The following MYH15 variants were observed in gnomAD, a reference collection of about 807,000 sequenced individuals.
MYH15 encodes myosin heavy chain 15, also known as myosin-15.
MYH15 carries 227 observed loss-of-function variants against 240.5 expected under a neutral mutation model. That is an observed-to-expected ratio of 0.94 (90% CI 0.85 to 1.05). The LOEUF (loss-of-function observed/expected upper bound fraction) is 1.05, where lower values mean the gene tolerates loss of function less well. MYH15 is among the 50% of genes least tolerant of loss of function. The pLI, the probability that MYH15 is intolerant of heterozygous loss-of-function variation, is 0.00. For missense variants in MYH15, 2,217 were observed against 2,247.5 expected (o/e 0.99, Z 0.27); for synonymous variants, 785 against 796.7 (o/e 0.99, Z 0.25).
chr3:108,414,838 G>A (rs1435606200), intron 29 of MYH15, among the ~76,000 whole-genome samples: 1 of 152,148 alleles, frequency 6.6e-6, no homozygotes, highest in Admixed American at 6.5e-5. Flanking sequence ...TTATTCCACT[G>A]ATGAAGAAAA....
intron 30 of MYH15, among the ~76,000 whole-genome samples, chr3:108,411,456 C>T (rs2082592504): frequency 6.6e-6 from 1 of 152,190 alleles, no homozygotes. Flanking sequence ...GTTTGTTCTC[C>T]ACCTCAGCTC....
chr3:108,395,621 T>G (rs1164233291), intron 35 of MYH15, among the ~76,000 whole-genome samples: 1 of 140,550 alleles, frequency 7.1e-6, no homozygotes, highest in Non-Finnish European at 1.5e-5. Flanking sequence ...CTCTAATTTG[T>G]TTTTTTTTTC....
intron 5 of MYH15, 23 bp from the exon 6 acceptor site, chr3:108,498,168 A>G: frequency 6.3e-7 from 1 of 1,599,770 alleles, no homozygotes; most frequent in Non-Finnish European, 8.6e-7. Context: ...ATTCAGTGAT[A>G]CAGTTAACTG....
At chr3:108,472,489 T>A (rs1388804033) in intron 12 of MYH15, among the ~76,000 whole-genome samples, 1 of 152,214 alleles carries the variant, frequency 6.6e-6, no homozygotes, top group African/African-American at 2.4e-5. Flanking sequence ...CCGGATGGCA[T>A]CACAGTTTTT....
chr3:108,459,837 AT>A (rs1220220199), intron 17 of MYH15, among the ~76,000 whole-genome samples: 1 of 152,114 alleles, frequency 6.6e-6, no homozygotes, highest in Non-Finnish European at 1.5e-5. Context: ...GGTTCAAGAG[AT>A]TTTTAGGGAG....
chr3:108,386,195 C>T (rs1392441934), intron 38 of MYH15, among the ~76,000 whole-genome samples: 1 of 152,148 alleles, frequency 6.6e-6, no homozygotes, highest in Non-Finnish European at 1.5e-5. Flanking sequence ...GTAAATTGGT[C>T]ATAAAGGAGG....
chr3:108,537,109 CCTTT>C, the MYH15 span, among the ~76,000 whole-genome samples: 1 of 152,078 alleles, frequency 6.6e-6, no homozygotes, highest in Non-Finnish European at 1.5e-5. Context: ...AGAAATCCAC[CCTTT>C]CTATTATAAA....
chr3:108,457,564 GTCT>G (rs938357774), intron 18 of MYH15, among the ~76,000 whole-genome samples: 1 of 151,388 alleles, frequency 6.6e-6, no homozygotes, highest in African/African-American at 2.4e-5. Flanking sequence ...CCCTCAGCAA[GTCT>G]TCTGAAAGAA....
chr3:108,442,828 A>C (rs2082895645), intron 22 of MYH15, among the ~76,000 whole-genome samples: 1 of 151,116 alleles, frequency 6.6e-6, no homozygotes. Flanking sequence ...AATAATCATA[A>C]ATAGATATTA....
At chr3:108,538,702 T>C in the MYH15 span, among the ~76,000 whole-genome samples, 1 of 152,232 alleles carries the variant, frequency 6.6e-6, no homozygotes, top group Non-Finnish European at 1.5e-5. Flanking sequence ...AAAAGTTCCC[T>C]TTAATTTCAT....
the MYH15 span, among the ~76,000 whole-genome samples, chr3:108,537,258 C>T: frequency 6.6e-6 from 1 of 152,126 alleles, no homozygotes; most frequent in Non-Finnish European, 1.5e-5. Context: ...ACCAAAACAG[C>T]CACACACTCT....
At chr3:108,448,886 C>A (rs2082950242) in intron 21 of MYH15, among the ~76,000 whole-genome samples, 1 of 151,088 alleles carries the variant, frequency 6.6e-6, no homozygotes, top group South Asian at 2.1e-4. Flanking sequence ...ACCAAAAAAA[C>A]AGAATTAACA....
chr3:108,450,071 T>C (rs2082959955), intron 21 of MYH15, among the ~76,000 whole-genome samples: 1 of 151,908 alleles, frequency 6.6e-6, no homozygotes, highest in Non-Finnish European at 1.5e-5. Context: ...AGTTGGCAAG[T>C]ATGTGGAAAA....
chr3:108,529,269 C>A (rs751916015), exon 1 of MYH15: 1 of 1,602,604 alleles, frequency 6.2e-7, no homozygotes, highest in Admixed American at 1.7e-5. Flanking sequence ...TCACCATGAT[C>A]TTTTTGGTAA....
chr3:108,528,525 T>G (rs2083690540), intron 1 of MYH15, among the ~76,000 whole-genome samples: 1 of 152,196 alleles, frequency 6.6e-6, no homozygotes, highest in Non-Finnish European at 1.5e-5. Flanking sequence ...TAAGGAATTT[T>G]GTCTTTAAAA....
chr3:108,492,798 A>T (rs988268219), intron 8 of MYH15, among the ~76,000 whole-genome samples: 1 of 152,102 alleles, frequency 6.6e-6, no homozygotes, highest in Non-Finnish European at 1.5e-5. Flanking sequence ...AAAAATTTTT[A>T]AAATTAGCTG....
chr3:108,437,185 AT>A (rs10714366), intron 25 of MYH15, among the ~76,000 whole-genome samples: 65,867 of 142,354 alleles, frequency 0.46, 15,399 homozygotes, highest in East Asian at 0.74. Flanking sequence ...ATCAGGATCA[AT>A]TTTTTTTTTT....
At chr3:108,520,394 C>T (rs1402311144) in intron 1 of MYH15, among the ~76,000 whole-genome samples, 1 of 152,106 alleles carries the variant, frequency 6.6e-6, no homozygotes, top group Non-Finnish European at 1.5e-5. Flanking sequence ...TAGAAACCTA[C>T]CTTGGAAAGA....
intron 17 of MYH15, 145 bp from the exon 18 acceptor site, chr3:108,459,594 T>C: frequency 1.9e-6 from 1 of 517,092 alleles, no homozygotes; most frequent in Non-Finnish European, 3.4e-6. Context: ...CAACATTCTT[T>C]ACTGCCTACC....
Sources: allele counts gnomAD v4.1 joint callset (sites outside exome capture counted in the v4.1 genomes callset), GRCh38; gene constraint gnomAD v4.1.1; transcripts MANE v1.5; gene names NCBI Gene and HGNC (gene_info 2026-07-23, HGNC 2026-07-21).